Variants in WDR81 observed in about 807,000 individuals in gnomAD.
WDR81 encodes WD repeat domain 81.
A neutral mutation model predicts 140.8 loss-of-function variants in WDR81; 92 were observed. That is an observed-to-expected ratio of 0.65 (90% CI 0.55 to 0.78). The LOEUF (loss-of-function observed/expected upper bound fraction) is 0.78, where lower values mean the gene tolerates loss of function less well. Among genes scored for constraint, WDR81 ranks in the 30% least tolerant of loss-of-function variants. The pLI, the probability that WDR81 is intolerant of heterozygous loss-of-function variation, is 0.00. For synonymous variants in WDR81, 1,183 were observed against 1,156.4 expected (o/e 1.02, Z -0.47); for missense variants, 2,502 against 2,636.4 (o/e 0.95, Z 1.12).
rs953711039 is a variant in WDR81, at chr17:1,730,858, G to A, written c.3879G>A (p.Gly1293=). The change falls in exon 3 of 10, where the codon GGG becomes GGA. Residue 1293 remains glycine, a synonymous_variant. Coordinates refer to ENST00000409644, the MANE Select transcript of WDR81 (RefSeq NM_001163809.2). ...CGGTCCTGGGCGACATCGTGTCAGG[G>A]CCTGTGCTCAGCTGCCTCCTCCACA... ...KRPVLGDIVS[G]PVLSCLLHIA... 3 of 1,612,876 alleles carry A rather than the reference G, an allele frequency of 1.9e-6. No homozygotes were observed. The highest frequency in any genetic ancestry group is 1.6e-4 in the Middle Eastern group (1 of 6,062).
upstream of WDR81, among the ~76,000 whole-genome samples, chr17:1,723,457 T>TTTTATTTATTTA (rs60273826): frequency 1.8e-3 from 237 of 130,542 alleles, no homozygotes; most frequent in African/African-American, 2.9e-3. Flanking sequence ...ATTTATTTAT[T>TTTTATTTATTTA]TTTATTTATT....
rs1459375920 is a variant in WDR81 at position 1,725,110 on chromosome 17, G to T, written c.151G>T (p.Gly51Cys). 17 of 1,513,310 alleles carry T rather than the reference G, an allele frequency of 1.1e-5. No individual in the cohort carries two copies. Among genetic ancestry groups the T allele is most frequent in the Non-Finnish European group, 1.1e-5 (13 of 1,132,046 alleles). 93.7% of individuals were successfully genotyped at this position (1,513,310 alleles called of 1,614,324 possible). A position where few individuals can be genotyped will look rare whatever the true frequency, so the allele number is the denominator to read the frequency against. The change falls in exon 1 of 10, where the codon GGC becomes TGC. Residue 51 changes from glycine (G) to cysteine (C), a missense_variant. Physicochemically the swap from Gly to Cys is radical, Grantham distance 159. Transcript: ENST00000409644. ...CAGGCAGCTGGCTCCGGCCCCGGGG[G>T]GCACCCACGTGGTGGCCCTAGTGCC... ...DPRQLAPAPG[G>C]THVVALVPAR...
At position 1,726,537 on chromosome 17, in the gene WDR81, T is replaced by C; in HGVS notation, c.1578T>C (p.Ala526=). The C allele has an allele frequency of 6.5e-7, 1 of 1,550,376 alleles. No individual in the cohort carries two copies. Among genetic ancestry groups the C allele is most frequent in the Non-Finnish European group, 8.7e-7 (1 of 1,146,986 alleles). ...AWCSSSQEFV[A]AHRALLESRE... is the part of the protein sequence containing the mutation. ...GCAGCTCCAGCCAGGAGTTCGTAGC[T>C]GCCCACCGAGCCCTGCTGGAGAGCC... Residue 526 remains alanine (A), a synonymous_variant, in exon 1 of 10, where the codon GCT becomes GCC. Coordinates refer to ENST00000409644, the MANE Select transcript of WDR81 (RefSeq NM_001163809.2).
At chr17:1,721,487 G>T (rs1914861247), upstream of WDR81, among the ~76,000 whole-genome samples, 1 of 150,948 alleles carries the variant, frequency 6.6e-6, no homozygotes, top group Non-Finnish European at 1.5e-5. Context: ...TCACTGCACT[G>T]CAGCCTGGGT....
rs773907574 is a variant in WDR81, at chr17:1,730,970, G to A, written c.3966+25G>A. On this transcript the variant is annotated intron_variant, in intron 3 of 9. Coordinates refer to ENST00000409644, the MANE Select transcript of WDR81 (RefSeq NM_001163809.2). ...GGTCAGTCGCTGGTTTGGCAGGCCC[G>A]GGGCTGGGAAGGCTGAGGACCTGAG... 2.4e-5 allele frequency: 38 copies of A among 1,609,924 alleles called. No individual in the cohort carries two copies. In the South Asian group the frequency reaches 3.0e-4, roughly 13 times the overall value.
At chr17:1,719,580 G>A (rs1914758166) in intron 1 of WDR81, among the ~76,000 whole-genome samples, 1 of 149,240 alleles carries the variant, frequency 6.7e-6, no homozygotes. Context: ...AATTAAAAAT[G>A]TGGCCAGGCA....
At chr17:1,719,526 G>A (rs1914752398) in intron 1 of WDR81, among the ~76,000 whole-genome samples, 1 of 147,386 alleles carries the variant, frequency 6.8e-6, no homozygotes, top group Non-Finnish European at 1.5e-5. Flanking sequence ...TCCAGCCTGG[G>A]TGACAGAGCA....
In WDR81 at chr17:1,730,905, C is replaced by G. The variant is rs1904311603; in HGVS notation, c.3926C>G (p.Pro1309Arg). Residue 1309 changes from proline (P) to arginine (R), a missense_variant, in exon 3 of 10, where the codon CCT (proline) becomes CGT (arginine). Pro to Arg is a moderately radical substitution (Grantham distance 103). Transcript: ENST00000409644. ...LLHIARLYGE[P>R]VLTYQYLPYI... ...CACATCGCCCGCCTGTATGGGGAGC[C>G]TGTCCTCACCTACCAGTACCTGCCC... The G allele has an allele frequency of 6.2e-7, 1 of 1,613,206 alleles. No homozygotes were observed. The highest frequency in any genetic ancestry group is 1.7e-5 in the Admixed American group (1 of 60,014).
In WDR81 at chr17:1,728,329, G is replaced by A. The variant is rs767772753; in HGVS notation, c.3370G>A (p.Ala1124Thr). Residue 1124 changes from alanine (A) to threonine (T), a missense_variant, in exon 1 of 10, where the codon GCT becomes ACT. Physicochemically the swap from Ala to Thr is moderately conservative, Grantham distance 58. Around this residue, in one of 3 missense-constraint regions of WDR81, gnomAD observed 1,737 missense variants for 1,843.0 expected, o/e 0.94. Transcript: ENST00000409644. ...CGAGACCTCCCTGGGTGAGGAGCGGGCTCCAGACGAGGGGGGTGCCCCCGT... is the reference window on the plus strand; with the variant it reads ...CGAGACCTCCCTGGGTGAGGAGCGGACTCCAGACGAGGGGGGTGCCCCCGT... Reference protein sequence around the residue: ...TSETSLGEERAPDEGGAPVDK... With the variant: ...TSETSLGEERTPDEGGAPVDK... 7 of 1,612,780 alleles carry A rather than the reference G, an allele frequency of 4.3e-6. No individual in the cohort carries two copies. In the Admixed American group the frequency reaches 1.2e-4, roughly 27 times the overall value.
intron 5 of WDR81, 75 bp from the exon 6 acceptor site, chr17:1,732,591 G>T: frequency 6.4e-7 from 1 of 1,571,996 alleles, no homozygotes; most frequent in Middle Eastern, 2.3e-4. Flanking sequence ...GGACTCCGCG[G>T]GCCGTGGCGA....
intron 1 of WDR81, among the ~76,000 whole-genome samples, chr17:1,718,036 A>G (rs1160284736): frequency 6.6e-6 from 1 of 151,976 alleles, no homozygotes; most frequent in East Asian, 1.9e-4. Context: ...TTCCTACTCA[A>G]GTTGCCCTAT....
In WDR81 at chr17:1,732,823, G is replaced by C. The variant is rs147426409; in HGVS notation, c.4481G>C (p.Cys1494Ser). The C allele has an allele frequency of 3.1e-6, 5 of 1,607,992 alleles. No homozygotes were observed. In the African/African-American group the frequency reaches 5.3e-5, roughly 17 times the overall value. Residue 1494 changes from cysteine to serine, a missense_variant, in exon 6 of 10, where the codon TGC becomes TCC. Transcript: ENST00000409644. ...TACACAATCTACGTGCCCTTCTCCT[G>C]CCTGTTGGGTACTGCCCCATCACGT... is the stretch of plus-strand genomic sequence containing the variant. ...MAYTIYVPFS[C>S]LLGDIIRKII...
chr17:1,734,733 C>T (rs538897469), intron 7 of WDR81, among the ~76,000 whole-genome samples: 13 of 150,670 alleles, frequency 8.6e-5, no homozygotes, highest in South Asian at 6.3e-4. Flanking sequence ...GAGCCGAGAT[C>T]GCACCACTGC....
Position 1,736,233 on chromosome 17 carries a change from C to A in WDR81, c.5505+15C>A. On this transcript the variant is annotated intron_variant, in intron 9 of 9. Transcript: ENST00000409644. ...TGCAGATCAAGGTGACGGGCCGGGT[C>A]TCCCTCCCCTTGCTGCCCAACCCCC... 1 of 1,589,964 alleles carries A rather than the reference C, an allele frequency of 6.3e-7. No individual in the cohort carries two copies. Among genetic ancestry groups the A allele is most frequent in the Non-Finnish European group, 8.5e-7 (1 of 1,174,994 alleles).
At position 1,726,404 on chromosome 17, in the gene WDR81, G is replaced by A. The variant is rs1915274546; in HGVS notation, c.1445G>A (p.Arg482Gln). ...CATGAGTATCCGGCCAGCATGGAGC[G>A]GATGCAGAACTGGACCCCGGATGAG... The part of the protein sequence containing the change: ...EPHEYPASME[R>Q]MQNWTPDECI... Residue 482 changes from arginine (R) to glutamine (Q), a missense_variant, in exon 1 of 10, where the codon CGG becomes CAG. Arg to Gln is a conservative substitution (Grantham distance 43). This residue lies in a region of WDR81 where 218 missense variants were observed against 279.6 expected (regional missense o/e 0.78). Coordinates refer to ENST00000409644, the MANE Select transcript of WDR81 (RefSeq NM_001163809.2). 4 of 1,550,168 alleles carry A rather than the reference G, an allele frequency of 2.6e-6. No homozygotes were observed. Among genetic ancestry groups the A allele is most frequent in the African/African-American group, 1.4e-5 (1 of 73,036 alleles).
chr17:1,735,481 G>T lies in WDR81; in HGVS notation c.5180-91G>T. ...TCTAAGGATCCCTGGGGGACGGGAG[G>T]CAGGTGTGCGGTGAGTTGGGGGATT... On this transcript the variant is annotated intron_variant, in intron 7 of 9. Transcript: ENST00000409644. This position sits in a 1 kb window ranked among gnomAD's most constrained non-coding sequence, Gnocchi z 4.2. The T allele has an allele frequency of 7.8e-7, 1 of 1,279,192 alleles. No homozygotes were observed. Among genetic ancestry groups the T allele is most frequent in the Non-Finnish European group, 1.1e-6 (1 of 951,474 alleles). 79.2% of individuals were successfully genotyped at this position (1,279,192 alleles called of 1,614,324 possible). A position where few individuals can be genotyped will look rare whatever the true frequency, so the allele number is the denominator to read the frequency against.
chr17:1,728,333 C>A lies in WDR81; in HGVS notation c.3374C>A (p.Pro1125Gln), dbSNP rs1431868591. The change falls in exon 1 of 10, where the codon CCA (proline) becomes CAA (glutamine). Residue 1125 changes from proline (P) to glutamine (Q), a missense_variant. Pro to Gln is a moderately conservative substitution (Grantham distance 76, BLOSUM62 -1). Transcript: ENST00000409644. ...SETSLGEERA[P>Q]DEGGAPVDKS... is the part of the protein sequence containing the mutation. ...ACCTCCCTGGGTGAGGAGCGGGCTC[C>A]AGACGAGGGGGGTGCCCCCGTGGAC... The A allele has an allele frequency of 3.1e-6, 5 of 1,612,784 alleles. No homozygotes were observed. In the Admixed American group the frequency reaches 8.3e-5, roughly 27 times the overall value.
At position 1,736,312 on chromosome 17, in the gene WDR81, C is replaced by G. The variant is rs920826644; in HGVS notation, c.5505+94C>G. 5 of 1,421,382 alleles carry G rather than the reference C, an allele frequency of 3.5e-6. No homozygotes were observed. In the African/African-American group the frequency reaches 4.2e-5, roughly 12 times the overall value. 88.0% of individuals were successfully genotyped at this position (1,421,382 alleles called of 1,614,324 possible). On this transcript the variant is annotated intron_variant, in intron 9 of 9. Transcript: ENST00000409644. ...GGGTCTGCCTGCCCGGGTTCAGGCTCGAACTGGTCTGTCTTATATACCTGG... is the reference window on the plus strand; with the variant it reads ...GGGTCTGCCTGCCCGGGTTCAGGCTGGAACTGGTCTGTCTTATATACCTGG...
At position 1,735,759 on chromosome 17, in the gene WDR81, G is replaced by A; in HGVS notation, c.5325+42G>A. 2 of 1,571,882 alleles carry A rather than the reference G, an allele frequency of 1.3e-6. No individual in the cohort carries two copies. Among genetic ancestry groups the A allele is most frequent in the Non-Finnish European group, 1.7e-6 (2 of 1,158,408 alleles). On this transcript the variant is annotated intron_variant, in intron 8 of 9. Coordinates refer to ENST00000409644, the MANE Select transcript of WDR81 (RefSeq NM_001163809.2). The surrounding 1 kb of genome is among the most constrained non-coding windows in gnomAD (Gnocchi z 4.2). ...TCCCTGAGCACTCGCCTGGTTCTCTGGGGACCTGGCAAGGAGGAGAGACTC... is the reference window on the plus strand; with the variant it reads ...TCCCTGAGCACTCGCCTGGTTCTCTAGGGACCTGGCAAGGAGGAGAGACTC...
Sources: allele counts gnomAD v4.1 joint callset (sites outside exome capture counted in the v4.1 genomes callset), GRCh38; gene constraint gnomAD v4.1.1; regional missense constraint gnomAD v4.1.1; non-coding constraint Gnocchi (gnomAD v3.1); transcripts MANE v1.5; gene names NCBI Gene and HGNC (gene_info 2026-07-23, HGNC 2026-07-21).